MBOAT2: variants seen among roughly 807,000 people sequenced by gnomAD.
MBOAT2 encodes the protein membrane bound glycerophospholipid O-acyltransferase 2.
MBOAT2 carries 28 observed loss-of-function variants against 63.4 expected under a neutral mutation model. The ratio of observed to expected loss-of-function variants is 0.44; its 90% CI spans 0.33 to 0.61. The LOEUF (loss-of-function observed/expected upper bound fraction) is 0.61. Ranked by LOEUF, MBOAT2 falls within the 20% of genes least tolerant of loss-of-function variation. The pLI, the probability that MBOAT2 is intolerant of heterozygous loss-of-function variation, is 0.03. For missense variants in MBOAT2, 470 were observed against 605.8 expected, an observed-to-expected ratio of 0.78 and a Z score of 2.35; for synonymous variants, 211 against 215.6, an observed-to-expected ratio of 0.98 and a Z score of 0.19.
chr2:8,918,215 T>A (rs151202076), intron 3 of MBOAT2, among the ~76,000 whole-genome samples: 1 of 152,360 alleles, frequency 6.6e-6, no homozygotes, highest in Non-Finnish European at 1.5e-5. Flanking sequence ...TAAGTCGTAC[T>A]TAAATAAAAC....
intron 3 of MBOAT2, among the ~76,000 whole-genome samples, chr2:8,912,710 A>T (rs765005208): frequency 2.8e-4 from 42 of 152,238 alleles, no homozygotes; most frequent in Non-Finnish European, 5.9e-4. Flanking sequence ...AAACAAATGG[A>T]AACACATCCT....
intron 1 of MBOAT2, among the ~76,000 whole-genome samples, chr2:8,995,949 T>A (rs967302796): frequency 2.6e-5 from 4 of 152,154 alleles, no homozygotes; most frequent in Non-Finnish European, 5.9e-5. Context: ...TTGGCCCAAG[T>A]CTGTTATCTG....
intron 5 of MBOAT2, among the ~76,000 whole-genome samples, chr2:8,884,783 G>A (rs1477273168): frequency 6.6e-6 from 1 of 152,202 alleles, no homozygotes; most frequent in Non-Finnish European, 1.5e-5. Flanking sequence ...AAAGGATAGA[G>A]TTGCATAGAA....
At chr2:8,977,602 T>C (rs1183294914) in intron 1 of MBOAT2, among the ~76,000 whole-genome samples, 1 of 152,156 alleles carries the variant, frequency 6.6e-6, no homozygotes, top group Non-Finnish European at 1.5e-5. Context: ...GGGGAGTTCA[T>C]CCAGTCCTAT....
rs538065193 is a variant in MBOAT2, at chr2:8,892,388, G to A, written c.396-4315C>T. 8.6e-5 allele frequency among the ~76,000 whole-genome samples: 13 copies of A among 152,024 alleles called. No homozygotes were observed. The East Asian group carries it at 2.5e-3, about 29-fold the overall frequency. On this transcript the variant is annotated intron_variant, in intron 4 of 12. Coordinates refer to ENST00000305997, the MANE Select transcript of MBOAT2 (RefSeq NM_138799.4). ...TAACCCCACTTACCTAACACCAAAT[G>A]AATACAAAGTGAGAGATAATGGAAA...
intron 2 of MBOAT2, among the ~76,000 whole-genome samples, chr2:8,947,278 C>T (rs1237495409): frequency 6.6e-6 from 1 of 152,192 alleles, no homozygotes; most frequent in Non-Finnish European, 1.5e-5. Flanking sequence ...AATTTTGAAG[C>T]TAGCAGACAC....
intron 4 of MBOAT2, among the ~76,000 whole-genome samples, chr2:8,894,352 A>T (rs982871523): frequency 2.6e-5 from 4 of 152,234 alleles, no homozygotes; most frequent in African/African-American, 9.6e-5. Flanking sequence ...CATTAGTGGC[A>T]GCTAAACGGA....
chr2:8,874,379 T>C (rs1202699644), intron 7 of MBOAT2, among the ~76,000 whole-genome samples: 1 of 152,202 alleles, frequency 6.6e-6, no homozygotes, highest in African/African-American at 2.4e-5. Context: ...ATATCTTACC[T>C]ATACATTTGA....
At chr2:8,962,907 G>C (rs1156888652) in intron 1 of MBOAT2, among the ~76,000 whole-genome samples, 1 of 152,076 alleles carries the variant, frequency 6.6e-6, no homozygotes, top group African/African-American at 2.4e-5. Flanking sequence ...TCAAAAGGTA[G>C]AAAGAACTCC....
intron 1 of MBOAT2, among the ~76,000 whole-genome samples, chr2:8,965,854 C>T (rs1669942795): frequency 6.6e-6 from 1 of 152,132 alleles, no homozygotes; most frequent in African/African-American, 2.4e-5. Context: ...AAGCATTCTA[C>T]ACTAAGCCAA....
intron 3 of MBOAT2, among the ~76,000 whole-genome samples, chr2:8,914,934 CTTTTTTTTTT>C (rs938665533): frequency 5.0e-5 from 3 of 60,244 alleles, no homozygotes; most frequent in South Asian, 7.9e-4. Context: ...CTGGAAATTT[CTTTTTTTTTT>C]TTTTTTTTTT....
At chr2:9,000,751 C>T (rs114560915) in intron 1 of MBOAT2, among the ~76,000 whole-genome samples, 2,060 of 152,308 alleles carry the variant, frequency 0.014, 18 homozygotes, top group Middle Eastern at 0.034. Context: ...CTTTACCGTA[C>T]ACCACTGTAG....
At chr2:8,924,295 C>T (rs1210879336) in intron 3 of MBOAT2, among the ~76,000 whole-genome samples, 3 of 152,128 alleles carry the variant, frequency 2.0e-5, no homozygotes, top group Non-Finnish European at 4.4e-5. Flanking sequence ...CCTCACTAGG[C>T]TTTTCCTTGA....
intron 1 of MBOAT2, among the ~76,000 whole-genome samples, chr2:8,959,464 CTTT>C (rs560059713): frequency 6.5e-5 from 9 of 139,340 alleles, no homozygotes; most frequent in Admixed American, 7.3e-5. Context: ...TCCTTTTTTT[CTTT>C]TTTTTTTTTT....
rs758804191 is a variant in MBOAT2, at chr2:8,858,734, TTG to T, written c.1506_1507del (p.Asn502LysfsTer31). On this transcript the variant is annotated frameshift_variant, in exon 13 of 13. Coordinates refer to ENST00000305997, the MANE Select transcript of MBOAT2 (RefSeq NM_138799.4). LOFTEE classifies it high-confidence loss of function. ...TATTTCTTGATTCTGATTGCAAACATTGTTTGTTGTAGAAAAACTGTTCTGTC... is the reference window on the plus strand; with the variant it reads ...TATTTCTTGATTCTGATTGCAAACATTTTGTTGTAGAAAAACTGTTCTGTC... 1 of 1,613,864 alleles carries T rather than the reference TTG, an allele frequency of 6.2e-7. No individual in the cohort carries two copies. Among genetic ancestry groups the T allele is most frequent in the Admixed American group, 1.7e-5 (1 of 59,788 alleles).
In MBOAT2 at chr2:8,889,325, T is replaced by C. The variant is rs1663810144; in HGVS notation, c.396-1252A>G. On this transcript the variant is annotated intron_variant, in intron 4 of 12. Transcript: ENST00000305997. ...TTAAACATTCCTACCACTGGAAATTTGATTCACAGACCTGGGCCCTTGAGA... is the reference window on the plus strand; with the variant it reads ...TTAAACATTCCTACCACTGGAAATTCGATTCACAGACCTGGGCCCTTGAGA... Among the ~76,000 whole-genome samples the C allele has an allele frequency of 2.0e-5, 3 of 152,250 alleles. No homozygotes were observed. The South Asian group carries it at 6.2e-4, about 32-fold the overall frequency.
intron 1 of MBOAT2, among the ~76,000 whole-genome samples, chr2:8,998,012 C>A (rs1027337575): frequency 6.6e-6 from 1 of 152,240 alleles, no homozygotes; most frequent in Non-Finnish European, 1.5e-5. Flanking sequence ...AGTTCACTTT[C>A]CTCCTCTAAG....
At chr2:8,921,346 C>G (rs1666554208) in intron 3 of MBOAT2, among the ~76,000 whole-genome samples, 1 of 152,106 alleles carries the variant, frequency 6.6e-6, no homozygotes, top group African/African-American at 2.4e-5. Context: ...CCAGCTTGCT[C>G]CAATTCAGCT....
At position 8,873,050 on chromosome 2, in the gene MBOAT2, C is replaced by T. The variant is rs970844969; in HGVS notation, c.883+58G>A. ...AGAGGGCGCACTGATAGCAATCTATCGACAAGGTAAGAAACGCTTCAACCA... is the reference window on the plus strand; with the variant it reads ...AGAGGGCGCACTGATAGCAATCTATTGACAAGGTAAGAAACGCTTCAACCA... On this transcript the variant is annotated intron_variant, in intron 8 of 12. Transcript: ENST00000305997. 1.7e-5 allele frequency: 26 copies of T among 1,491,396 alleles called. No homozygotes were observed. In the Admixed American group the frequency reaches 2.4e-4, roughly 14 times the overall value. 92.4% of individuals were successfully genotyped at this position (1,491,396 alleles called of 1,614,324 possible).
Sources: gnomAD v4.1 joint callset for allele counts (sites outside exome capture counted in the v4.1 genomes callset) on GRCh38, gnomAD v4.1.1 for gene constraint, MANE v1.5 for transcripts, NCBI Gene and HGNC (gene_info 2026-07-23, HGNC 2026-07-21) for gene names.